NRXN1: variants seen among roughly 807,000 people sequenced by gnomAD.
The protein encoded by NRXN1 is neurexin 1, also known as neurexin-1.
In NRXN1, 39 loss-of-function variants were observed where a neutral mutation model predicts 150.9. The ratio of observed to expected loss-of-function variants is 0.26; its 90% CI spans 0.20 to 0.34. The LOEUF is 0.34. NRXN1 is among the 10% of genes least tolerant of loss of function. NRXN1 has a pLI of 1.00. For missense variants in NRXN1, 1,815 were observed against 1,949.9 expected, an observed-to-expected ratio of 0.93 and a Z score of 1.30; for synonymous variants, 924 against 757.0, an observed-to-expected ratio of 1.22 and a Z score of -3.62.
chr2:50,186,766 T>A (rs1479068349), intron 18 of NRXN1, among the ~76,000 whole-genome samples: 2 of 152,042 alleles, frequency 1.3e-5, no homozygotes, highest in Non-Finnish European at 2.9e-5. Flanking sequence ...TTCATATATT[T>A]TATTGAGGAG....
chr2:50,022,883 A>C (rs979153120), intron 21 of NRXN1: 1 of 152,222 alleles, frequency 6.6e-6, no homozygotes, highest in Non-Finnish European at 1.5e-5. Context: ...TATCTTATAT[A>C]GTAGGTAAAA....
At position 50,468,933 on chromosome 2, in the gene NRXN1, T is replaced by G. The variant is rs1240397453; in HGVS notation, c.3244+3365A>C. Among the ~76,000 whole-genome samples, 7 of 151,636 alleles carry G rather than the reference T, an allele frequency of 4.6e-5. No homozygotes were observed. In the East Asian group the frequency reaches 1.4e-3, roughly 29 times the overall value. ...AGATATAATGGAGCCTAGAGCTGAA[T>G]GTTACAGTTGTACAAAAAGAGCATC... is the stretch of plus-strand genomic sequence containing the variant. On this transcript the variant is annotated intron_variant, in intron 16 of 22. Transcript: ENST00000401669.
chr2:50,603,500 A>G (rs558598703), intron 8 of NRXN1, among the ~76,000 whole-genome samples: 1 of 152,210 alleles, frequency 6.6e-6, no homozygotes, highest in Non-Finnish European at 1.5e-5. Context: ...CTTTCAACAC[A>G]CTTTTTTCTT....
At chr2:50,729,283 C>G (rs1697786270) in intron 5 of NRXN1, among the ~76,000 whole-genome samples, 1 of 152,148 alleles carries the variant, frequency 6.6e-6, no homozygotes, top group Non-Finnish European at 1.5e-5. Flanking sequence ...AGAGTTTATT[C>G]TGTGTCCCTC....
intron 17 of NRXN1, among the ~76,000 whole-genome samples, chr2:50,265,506 A>C (rs1337383240): frequency 6.6e-6 from 1 of 152,122 alleles, no homozygotes; most frequent in African/African-American, 2.4e-5. Context: ...CACTATAAAG[A>C]CCTGGATAAG....
chr2:50,847,550 G>GGCATTTCCTGCCCAAATGTT (rs1673845534), intron 5 of NRXN1, among the ~76,000 whole-genome samples: 1 of 152,156 alleles, frequency 6.6e-6, no homozygotes. Context: ...GGTGAGAACA[G>GGCATTTCCTGCCCAAATGTT]GCATTTCCTG....
intron 17 of NRXN1, among the ~76,000 whole-genome samples, chr2:50,357,870 T>C (rs1185863406): frequency 6.6e-6 from 1 of 152,068 alleles, no homozygotes; most frequent in African/African-American, 2.4e-5. Context: ...CATTTTCAAC[T>C]AAGGTACCTG....
intron 5 of NRXN1, among the ~76,000 whole-genome samples, chr2:50,906,383 T>C (rs992096031): frequency 2.0e-5 from 3 of 152,064 alleles, no homozygotes; most frequent in African/African-American, 7.2e-5. Context: ...CAGTCTTGAC[T>C]CCAGTCGTGC....
chr2:50,324,741 G>C (rs1025937859), intron 17 of NRXN1, among the ~76,000 whole-genome samples: 1 of 152,166 alleles, frequency 6.6e-6, no homozygotes, highest in Non-Finnish European at 1.5e-5. Flanking sequence ...GCCTGCTTAA[G>C]CTTCTCCTTC....
intron 5 of NRXN1, among the ~76,000 whole-genome samples, chr2:50,669,415 A>C: frequency 6.6e-6 from 1 of 152,144 alleles, no homozygotes; most frequent in Middle Eastern, 3.4e-3. Context: ...TCAAAAATAC[A>C]AACAGAAACT....
chr2:50,684,933 C>T (rs1316676194), intron 5 of NRXN1, among the ~76,000 whole-genome samples: 1 of 152,070 alleles, frequency 6.6e-6, no homozygotes, highest in Non-Finnish European at 1.5e-5. Context: ...CAAAAGTGAA[C>T]AGAACATGAA....
At chr2:50,366,757 C>G (rs113702622) in intron 17 of NRXN1, among the ~76,000 whole-genome samples, 13,874 of 151,896 alleles carry the variant, frequency 0.091, 847 homozygotes, top group Non-Finnish European at 0.13. Flanking sequence ...CACGACAATA[C>G]CAATTCTGAG....
At chr2:50,166,989 G>T (rs190718889) in intron 18 of NRXN1, among the ~76,000 whole-genome samples, 2 of 152,208 alleles carry the variant, frequency 1.3e-5, no homozygotes. Flanking sequence ...AACTTCCATG[G>T]TTTACTCATA....
intron 2 of NRXN1, among the ~76,000 whole-genome samples, chr2:51,004,708 T>C (rs1421880052): frequency 1.3e-5 from 2 of 151,896 alleles, no homozygotes; most frequent in Admixed American, 6.6e-5. Flanking sequence ...ATGATTCTGG[T>C]ATTTTCCCTC....
intron 5 of NRXN1, among the ~76,000 whole-genome samples, chr2:50,771,242 C>A (rs937374030): frequency 6.6e-5 from 10 of 152,032 alleles, no homozygotes; most frequent in African/African-American, 1.2e-4. Flanking sequence ...CCACCCATTC[C>A]CCATGCCAGT....
rs928463317 is a variant in NRXN1, at chr2:51,024,358, G to GT, written c.772+3143dup. ...GTTTTGTTCTATCAGCCATTTTTAC[G>GT]TTTTTTTTTCCCTTGAATATAACAC... On this transcript the variant is annotated intron_variant, in intron 2 of 22. Coordinates refer to ENST00000401669, the MANE Select transcript of NRXN1 (RefSeq NM_001330078.2). Among the ~76,000 whole-genome samples, 59 of 150,906 alleles carry GT rather than the reference G, an allele frequency of 3.9e-4. No individual in the cohort carries two copies. The East Asian group carries it at 7.2e-3, about 18-fold the overall frequency.
intron 5 of NRXN1, among the ~76,000 whole-genome samples, chr2:50,681,627 G>C (rs192229353): frequency 2.0e-5 from 3 of 152,184 alleles, no homozygotes; most frequent in Admixed American, 1.3e-4. Context: ...TAATATTCTA[G>C]GACTATTTAT....
chr2:50,075,645 T>A (rs757834133), intron 19 of NRXN1, among the ~76,000 whole-genome samples: 2 of 152,200 alleles, frequency 1.3e-5, no homozygotes, highest in Non-Finnish European at 2.9e-5. Flanking sequence ...ATAGTGCTTC[T>A]TTTTTTATCA....
chr2:51,015,094 G>A (rs1418049992), intron 2 of NRXN1, among the ~76,000 whole-genome samples: 1 of 152,026 alleles, frequency 6.6e-6, no homozygotes, highest in Non-Finnish European at 1.5e-5. Context: ...CTACTAACCA[G>A]ATGTGTGATT....
Sources: allele counts gnomAD v4.1 joint callset (sites outside exome capture counted in the v4.1 genomes callset), GRCh38; gene constraint gnomAD v4.1.1; transcripts MANE v1.5; gene names NCBI Gene and HGNC (gene_info 2026-07-23, HGNC 2026-07-21).